Variants in NBPF12 observed in about 807,000 individuals in gnomAD.
The protein encoded by NBPF12 is NBPF member 12, also known as NBPF family member NBPF12.
Under a neutral mutation model 146.4 loss-of-function variants are expected in NBPF12, and 115 were observed. That is an observed-to-expected ratio of 0.79 (90% CI 0.68 to 0.92). The LOEUF (loss-of-function observed/expected upper bound fraction) is 0.92. Ranked by LOEUF, NBPF12 falls within the 40% of genes least tolerant of loss-of-function variation. NBPF12 has a pLI of 0.00. For synonymous variants in NBPF12, 385 were observed against 508.9 expected (o/e 0.76, Z 3.28); for missense variants, 1,205 against 1,326.8 (o/e 0.91, Z 1.43).
intron 17 of NBPF12, among the ~76,000 whole-genome samples, 175 bp from the exon 21 acceptor site, chr1:146,977,291 A>C (rs1453620699): frequency 1.3e-5 from 2 of 148,630 alleles, no homozygotes; most frequent in African/African-American, 5.1e-5. Context: ...TTCCCATGGC[A>C]GCCGTGCTCT....
chr1:146,980,548 G>A (rs1453107670), intron 19 of NBPF12, among the ~76,000 whole-genome samples: 5 of 151,734 alleles, frequency 3.3e-5, no homozygotes, highest in East Asian at 1.9e-4. Flanking sequence ...TCTCTGTAAA[G>A]GATTTATTTC....
At chr1:146,964,653 C>T (rs1437581919) in intron 7 of NBPF12, among the ~76,000 whole-genome samples, 2 of 151,940 alleles carry the variant, frequency 1.3e-5, no homozygotes, top group Admixed American at 6.5e-5. Flanking sequence ...TCTTCATCCT[C>T]CTCAGCTCCT....
chr1:146,966,191 A>C (rs1370130351), intron 8 of NBPF12, among the ~76,000 whole-genome samples: 3 of 152,020 alleles, frequency 2.0e-5, no homozygotes, highest in African/African-American at 7.3e-5. Flanking sequence ...TTGGCCACTC[A>C]TGGGATAAAA....
In NBPF12 at chr1:146,994,559, T is replaced by A; in HGVS notation, c.4358T>A (p.Val1453Asp). Residue 1453 changes from valine (V) to aspartate (D), a missense_variant, in exon 34 of 34, where the codon GTC becomes GAC. Transcript: ENST00000617844. ...CTCCACCTGGTCTTCCAGATGGGAG[T>A]CATATTCCCACAATAAGCAGCCCTT... 4 of 1,609,140 alleles carry A rather than the reference T, an allele frequency of 2.5e-6. No homozygotes were observed. In the South Asian group the frequency reaches 3.3e-5, roughly 13 times the overall value.
chr1:146,940,967 T>C (rs1205969793), intron 1 of NBPF12, among the ~76,000 whole-genome samples: 3 of 152,140 alleles, frequency 2.0e-5, no homozygotes, highest in African/African-American at 7.3e-5. Context: ...TGATTTGTAA[T>C]ACTTTATTCT....
At chr1:146,955,179 G>T (rs1655529562) in intron 2 of NBPF12, among the ~76,000 whole-genome samples, 1 of 67,016 alleles carries the variant, frequency 1.5e-5, no homozygotes, top group South Asian at 6.0e-4. Flanking sequence ...ATCAATCAGT[G>T]CAACAATGAG....
In NBPF12 at chr1:146,966,886, C is replaced by T. The variant is rs1475413132; in HGVS notation, c.988+213C>T. 1.9e-4 allele frequency among the ~76,000 whole-genome samples: 28 copies of T among 150,320 alleles called. No individual in the cohort carries two copies. In the East Asian group the frequency reaches 5.5e-3, roughly 29 times the overall value. The stretch of plus-strand genomic sequence containing the variant: ...TGTTTGCAATCAGGTGGGGGTGGGA[C>T]TAGAGTTAAACTGCCATTTATTGAT... On this transcript the variant is annotated intron_variant, in intron 9 of 33. Transcript: ENST00000617844.
At chr1:146,967,604 A>G (rs1173288714) in intron 9 of NBPF12, among the ~76,000 whole-genome samples, 2 of 150,656 alleles carry the variant, frequency 1.3e-5, no homozygotes, top group Non-Finnish European at 2.9e-5. Flanking sequence ...CTAAAGAGGA[A>G]GAAAGATCGC....
intron 26 of NBPF12, among the ~76,000 whole-genome samples, chr1:146,988,504 CAG>C (rs1657936672): frequency 8.9e-6 from 1 of 112,646 alleles, no homozygotes; most frequent in African/African-American, 3.2e-5. Context: ...TTTGATGAGA[CAG>C]GGCTAAATAT....
At chr1:146,966,424 A>C in intron 8 of NBPF12, 40 bp from the exon 12 acceptor site, 4 of 1,337,776 alleles carry the variant, frequency 3.0e-6, no homozygotes, top group Non-Finnish European at 4.3e-6. Flanking sequence ...TGATTTCACC[A>C]GTTTTTAACC....
intron 8 of NBPF12, 25 bp downstream of exon 11, chr1:146,965,129 C>T: frequency 7.9e-7 from 1 of 1,272,198 alleles, no homozygotes; most frequent in Non-Finnish European, 1.1e-6. Context: ...CCTTGTGTCT[C>T]ATACCTCTGT....
intron 1 of NBPF12, among the ~76,000 whole-genome samples, chr1:146,940,297 G>A (rs1156860693): frequency 6.6e-6 from 1 of 151,966 alleles, no homozygotes; most frequent in African/African-American, 2.4e-5. Context: ...TACAGAAGAA[G>A]TTCACAATTT....
chr1:146,961,131 G>A (rs1655823557), intron 4 of NBPF12, among the ~76,000 whole-genome samples: 1 of 151,922 alleles, frequency 6.6e-6, no homozygotes, highest in Non-Finnish European at 1.5e-5. Flanking sequence ...GGGTGACAGG[G>A]CAAGACTCGT....
At chr1:146,969,912 T>C (rs1269489667) in intron 11 of NBPF12, among the ~76,000 whole-genome samples, 1 of 150,930 alleles carries the variant, frequency 6.6e-6, no homozygotes, top group African/African-American at 2.5e-5. Context: ...AGCTCTGGGC[T>C]AAGAATGAAG....
intron 13 of NBPF12, among the ~76,000 whole-genome samples, chr1:146,971,923 CAAAAA>C: frequency 7.2e-6 from 1 of 138,598 alleles, no homozygotes; most frequent in South Asian, 2.3e-4. Context: ...ACTAAAAATA[CAAAAA>C]AAAAAAAAAA....
At chr1:146,962,259 C>T in exon 5 of NBPF12, 1 of 1,603,902 alleles carries the variant, frequency 6.2e-7, no homozygotes, top group Non-Finnish European at 8.5e-7. Flanking sequence ...AGCTGAGGAG[C>T]TCAGGTGAGG....
exon 22 of NBPF12, chr1:146,984,835 G>A (rs1318774493): frequency 1.3e-6 from 2 of 1,542,824 alleles, no homozygotes; most frequent in Non-Finnish European, 1.8e-6. Context: ...GCTGCTGGCT[G>A]AGAAAGAGCC....
At chr1:146,960,438 G>A (rs1488146242) in intron 4 of NBPF12, 120 bp downstream of exon 7, 2 of 612,176 alleles carry the variant, frequency 3.3e-6, no homozygotes. Flanking sequence ...TAGGAAAACA[G>A]AAATGGGTAT....
chr1:146,992,362 C>G (rs1194771082), intron 31 of NBPF12, among the ~76,000 whole-genome samples: 1,384 of 122,132 alleles, frequency 0.011, 2 homozygotes, highest in African/African-American at 0.039. Context: ...TGCTGTGTGT[C>G]CTGAGGGCAC....
Sources: gnomAD v4.1 joint callset for allele counts (sites outside exome capture counted in the v4.1 genomes callset) on GRCh38, gnomAD v4.1.1 for gene constraint, MANE v1.5 for transcripts, NCBI Gene and HGNC (gene_info 2026-07-23, HGNC 2026-07-21) for gene names.